Variants in NAALADL2 observed in about 807,000 individuals in gnomAD.
NAALADL2 encodes the protein inactive N-acetylated-alpha-linked acidic dipeptidase-like protein 2.
Under a neutral mutation model 87.2 loss-of-function variants are expected in NAALADL2, and 76 were observed. The ratio of observed to expected loss-of-function variants is 0.87; its 90% CI spans 0.72 to 1.05. NAALADL2 has a LOEUF of 1.05. NAALADL2 is among the 50% of genes least tolerant of loss of function. The pLI is 0.00. For synonymous variants in NAALADL2, 354 were observed against 331.0 expected (o/e 1.07, Z -0.75); for missense variants, 1,089 against 945.8 (o/e 1.15, Z -1.99).
At chr3:175,662,557 C>T (rs956553827) in intron 11 of NAALADL2, among the ~76,000 whole-genome samples, 8 of 151,920 alleles carry the variant, frequency 5.3e-5, no homozygotes, top group African/African-American at 1.7e-4. Flanking sequence ...GAACATCCTT[C>T]TCATGTTCCT....
chr3:174,723,290 C>A (rs116687459), intron 2 of NAALADL2, among the ~76,000 whole-genome samples: 1 of 151,998 alleles, frequency 6.6e-6, no homozygotes, highest in African/African-American at 2.4e-5. Context: ...TGAGCCTATT[C>A]CTATGAAACT....
At chr3:174,618,754 A>G (rs1720721637) in intron 2 of NAALADL2, among the ~76,000 whole-genome samples, 1 of 151,960 alleles carries the variant, frequency 6.6e-6, no homozygotes, top group Non-Finnish European at 1.5e-5. Flanking sequence ...TAATTTTTTT[A>G]TAGTATCTTT....
chr3:175,311,800 G>A (rs952187795), intron 4 of NAALADL2, among the ~76,000 whole-genome samples: 4 of 151,750 alleles, frequency 2.6e-5, no homozygotes, highest in Admixed American at 1.3e-4. Context: ...CTCTGCAGCA[G>A]CCCTAACTTT....
At chr3:174,956,156 C>T (rs1217514876) in intron 1 of NAALADL2, among the ~76,000 whole-genome samples, 2 of 151,954 alleles carry the variant, frequency 1.3e-5, no homozygotes, top group African/African-American at 4.8e-5. Context: ...AAGTCAGTTG[C>T]AGAAGATCAC....
intron 1 of NAALADL2, among the ~76,000 whole-genome samples, chr3:174,907,427 T>C (rs956147642): frequency 6.6e-6 from 1 of 152,130 alleles, no homozygotes; most frequent in Non-Finnish European, 1.5e-5. Flanking sequence ...ATGGGTGATA[T>C]GTAGCCCAGG....
chr3:175,664,037 C>A (rs1732632996), intron 11 of NAALADL2, among the ~76,000 whole-genome samples: 1 of 151,952 alleles, frequency 6.6e-6, no homozygotes, highest in Non-Finnish European at 1.5e-5. Context: ...GTATATATTT[C>A]ACTGGGCAAT....
intron 11 of NAALADL2, among the ~76,000 whole-genome samples, chr3:175,726,788 C>T (rs1464558681): frequency 6.6e-6 from 1 of 152,060 alleles, no homozygotes; most frequent in Non-Finnish European, 1.5e-5. Context: ...ATGGTGTGAT[C>T]AGAGTTTAGG....
At chr3:174,866,232 A>G (rs901227360) in intron 1 of NAALADL2, among the ~76,000 whole-genome samples, 2 of 151,890 alleles carry the variant, frequency 1.3e-5, no homozygotes, top group African/African-American at 4.8e-5. Context: ...TCTTTATTAG[A>G]AAACACTGAG....
intron 11 of NAALADL2, among the ~76,000 whole-genome samples, chr3:175,713,813 G>A (rs1200594421): frequency 1.1e-4 from 17 of 151,900 alleles, no homozygotes; most frequent in Admixed American, 1.1e-3. Flanking sequence ...CACGTGCCAT[G>A]GTGGTTTGCT....
At chr3:174,918,505 A>G (rs1327712633) in intron 1 of NAALADL2, among the ~76,000 whole-genome samples, 1 of 152,192 alleles carries the variant, frequency 6.6e-6, no homozygotes, top group Non-Finnish European at 1.5e-5. Context: ...TCACTTGTGC[A>G]TCTGTACTCA....
chr3:175,002,317 A>T (rs564982992), intron 1 of NAALADL2, among the ~76,000 whole-genome samples: 1 of 152,306 alleles, frequency 6.6e-6, no homozygotes, highest in Admixed American at 6.5e-5. Flanking sequence ...CAAGTGAGAA[A>T]CATCTTATAG....
intron 5 of NAALADL2, among the ~76,000 whole-genome samples, chr3:175,411,368 T>G (rs1031652171): frequency 6.6e-6 from 1 of 152,146 alleles, no homozygotes; most frequent in Non-Finnish European, 1.5e-5. Flanking sequence ...GATTAAGTAG[T>G]ATGTATGTTA....
intron 2 of NAALADL2, among the ~76,000 whole-genome samples, chr3:174,685,078 G>T (rs1293007728): frequency 6.6e-6 from 1 of 151,940 alleles, no homozygotes; most frequent in Non-Finnish European, 1.5e-5. Flanking sequence ...TAGTGTCACG[G>T]TTTTAAAAAA....
At chr3:174,607,078 T>C (rs1258685339) in intron 2 of NAALADL2, among the ~76,000 whole-genome samples, 3 of 151,926 alleles carry the variant, frequency 2.0e-5, no homozygotes, top group African/African-American at 7.3e-5. Context: ...GCTTCATAAG[T>C]GAAGGAGAAA....
intron 1 of NAALADL2, among the ~76,000 whole-genome samples, chr3:174,509,685 C>A (rs749983704): frequency 1.0e-4 from 15 of 145,824 alleles, no homozygotes; most frequent in Non-Finnish European, 2.1e-4. Context: ...CTCGGGCTCC[C>A]AAAGTGCTGG....
At chr3:175,726,676 T>C (rs1169089890) in intron 11 of NAALADL2, among the ~76,000 whole-genome samples, 1 of 152,072 alleles carries the variant, frequency 6.6e-6, no homozygotes, top group African/African-American at 2.4e-5. Context: ...CTCCTTCCCA[T>C]CCTACTACCC....
intron 11 of NAALADL2, among the ~76,000 whole-genome samples, chr3:175,674,247 G>GGTTTTTTTTTTTT (rs796930084): frequency 7.1e-6 from 1 of 139,930 alleles, no homozygotes; most frequent in African/African-American, 2.7e-5. Flanking sequence ...AACTGATAGT[G>GGTTTTTTTTTTTT]TTTTTTTTTT....
rs887828329 is a variant in NAALADL2, at chr3:175,211,811, T to C, written c.546-22120T>C. On this transcript the variant is annotated intron_variant, in intron 2 of 13. Transcript: ENST00000454872. Reference sequence around the variant, plus strand: ...AATAGTATGTACAAGGAAATGCTCTTAAATTTTCTTGTTTTATTCTTAAAA... The same window carrying C: ...AATAGTATGTACAAGGAAATGCTCTCAAATTTTCTTGTTTTATTCTTAAAA... Among the ~76,000 whole-genome samples the C allele has an allele frequency of 4.8e-4, 73 of 152,046 alleles. 1 individual carries two copies. Among genetic ancestry groups the C allele is most frequent in the Admixed American group, 4.8e-3 (73 of 15,248 alleles).
intron 2 of NAALADL2, among the ~76,000 whole-genome samples, chr3:174,613,257 G>A (rs1485335151): frequency 2.1e-5 from 3 of 144,762 alleles, no homozygotes; most frequent in Admixed American, 2.0e-4. Flanking sequence ...GCATGGTACT[G>A]GGTCTTGCCC....
Sources: allele counts gnomAD v4.1 joint callset (sites outside exome capture counted in the v4.1 genomes callset), GRCh38; gene constraint gnomAD v4.1.1; transcripts MANE v1.5; gene names NCBI Gene and HGNC (gene_info 2026-07-23, HGNC 2026-07-21).